The following MANSC4 variants were observed in gnomAD, a reference collection of about 807,000 sequenced individuals.
MANSC4 encodes the protein MANSC domain containing 4, also known as MANSC domain-containing protein 4.
Under a neutral mutation model 11.4 loss-of-function variants are expected in MANSC4, and 11 were observed. The ratio of observed to expected loss-of-function variants is 0.97; its 90% confidence interval spans 0.61 to 1.60. MANSC4 has a LOEUF of 1.60. Ranked by LOEUF, MANSC4 falls within the 40% of genes most tolerant of loss-of-function variation. The pLI is 0.00. For synonymous variants in MANSC4, 123 were observed against 147.1 expected (o/e 0.84, Z 1.19); for missense variants, 354 against 404.6 (o/e 0.88, Z 1.07).
intron 1 of MANSC4, among the ~76,000 whole-genome samples, chr12:27,778,259 A>G (rs2062127095): frequency 6.6e-6 from 1 of 151,966 alleles, no homozygotes; most frequent in Non-Finnish European, 1.5e-5. Context: ...TTTTTCTAAA[A>G]AATAAAAAGA....
At position 27,766,652 on chromosome 12, in the gene MANSC4, A is replaced by C; in HGVS notation, c.364+13T>G. 1 of 1,549,212 alleles carries C rather than the reference A, an allele frequency of 6.5e-7. No homozygotes were observed. The highest frequency in any genetic ancestry group is 8.7e-7 in the Non-Finnish European group (1 of 1,146,290). ...CAGCATTCTTTTAAAGTCTTGAAAT[A>C]TGTAATCATTACCGTCTGTTATGTT... is the stretch of plus-strand genomic sequence containing the variant. On this transcript the variant is annotated intron_variant, in intron 3 of 3. Transcript: ENST00000381273.
intron 2 of MANSC4, among the ~76,000 whole-genome samples, chr12:27,767,696 T>TCAA (rs370551889): frequency 0.015 from 2,284 of 151,860 alleles, 62 homozygotes; most frequent in African/African-American, 0.048. Context: ...AAACTCCGTC[T>TCAA]CAACAACAAC....
At position 27,767,184 on chromosome 12, in the gene MANSC4, T is replaced by C. The variant is rs533064447; in HGVS notation, c.230-385A>G. Among the ~76,000 whole-genome samples the C allele has an allele frequency of 9.2e-5, 14 of 152,180 alleles. No individual in the cohort carries two copies. In the South Asian group the frequency reaches 2.7e-3, roughly 29 times the overall value. On this transcript the variant is annotated intron_variant, in intron 2 of 3. Coordinates refer to ENST00000381273, the MANE Select transcript of MANSC4 (RefSeq NM_001146221.5). ...TTTGTAGAGGCAGGGTTTCACCATGTTGCCCAGGCTGGTCTCAAACTCCAG... is the reference window on the plus strand; with the variant it reads ...TTTGTAGAGGCAGGGTTTCACCATGCTGCCCAGGCTGGTCTCAAACTCCAG...
chr12:27,765,500 G>A (rs558205693), intron 3 of MANSC4, among the ~76,000 whole-genome samples: 4 of 152,210 alleles, frequency 2.6e-5, no homozygotes, highest in Admixed American at 6.5e-5. Context: ...GGCCAGATCT[G>A]TTTGCTTACT....
At position 27,762,828 on chromosome 12, in the gene MANSC4, T is replaced by C; in HGVS notation, c.933A>G (p.Gly311=). 1 of 1,551,916 alleles carries C rather than the reference T, an allele frequency of 6.4e-7. No homozygotes were observed. The change falls in exon 4 of 4, where the codon GGA becomes GGG. Residue 311 remains glycine (G), a synonymous_variant. Transcript: ENST00000381273. ...CTGGTTTATACTGGCCCTGCTGCTT[T>C]CCACAGCATCCAGATGCCAGGATGA... ...CIVILASGCC[G]KQQGQYKPGQ...
At chr12:27,772,198 G>C (rs2062103741) in intron 1 of MANSC4, among the ~76,000 whole-genome samples, 1 of 152,136 alleles carries the variant, frequency 6.6e-6, no homozygotes, top group Non-Finnish European at 1.5e-5. Context: ...GAAAGTTGTG[G>C]GTTTCATATC....
chr12:27,778,582 C>A (rs1372618403), intron 1 of MANSC4, among the ~76,000 whole-genome samples: 4 of 150,834 alleles, frequency 2.7e-5, no homozygotes, highest in Non-Finnish European at 1.5e-5. Flanking sequence ...AAAAACCAAA[C>A]ACATATTCTC....
Position 27,764,853 on chromosome 12 carries a change from A to T in MANSC4, c.365-1457T>A, listed in dbSNP as rs1455101566. On this transcript the variant is annotated intron_variant, in intron 3 of 3. Transcript: ENST00000381273. ...ACACTGAAATCTACACTGTAAGGTG[A>T]TTTTTTTTTAAGAGACAGCTGTTAC... 1.1e-4 allele frequency among the ~76,000 whole-genome samples: 17 copies of T among 151,528 alleles called. No homozygotes were observed. In the East Asian group the frequency reaches 2.9e-3, roughly 26 times the overall value.
chr12:27,766,170 C>A (rs375307812), intron 3 of MANSC4, among the ~76,000 whole-genome samples: 5 of 151,740 alleles, frequency 3.3e-5, no homozygotes, highest in South Asian at 2.1e-4. Context: ...CAGGTTCAAG[C>A]GATTCTCCTG....
rs1000890553 is a variant in MANSC4, at chr12:27,779,052, A to G, written c.-307+1158T>C. Among the ~76,000 whole-genome samples the G allele has an allele frequency of 3.9e-5, 6 of 152,144 alleles. No individual in the cohort carries two copies. In the East Asian group the frequency reaches 1.2e-3, roughly 29 times the overall value. ...CCCGGCTAATTTTTGTATTTTTAGT[A>G]GAGACGGGGTTTCACCATGTTGGCC... On this transcript the variant is annotated intron_variant, in intron 1 of 3. Transcript: ENST00000381273.
rs2062100177 is a variant in MANSC4, at chr12:27,771,334, A to G, written c.-58T>C. The G allele has an allele frequency of 6.9e-7, 1 of 1,452,686 alleles. No individual in the cohort carries two copies. Among genetic ancestry groups the G allele is most frequent in the Non-Finnish European group, 9.3e-7 (1 of 1,070,044 alleles). The allele number at this position is 1,452,686 out of a possible 1,614,324, so 90.0% of individuals were successfully genotyped here. A position where few individuals can be genotyped will look rare whatever the true frequency, so the allele number is the denominator to read the frequency against. ...TCTGATTTCCAGACAGAAGCTGAAC[A>G]CTGGAGTTTAGGACAGTCTCTGGAA... On this transcript the variant is annotated 5_prime_UTR_variant, in exon 2 of 4. Transcript: ENST00000381273.
At chr12:27,767,472 G>C (rs1324011407) in intron 2 of MANSC4, among the ~76,000 whole-genome samples, 1 of 152,082 alleles carries the variant, frequency 6.6e-6, no homozygotes, top group African/African-American at 2.4e-5. Context: ...GGGAGGCCGA[G>C]GGGGGCAGAT....
chr12:27,770,950 T>C, intron 2 of MANSC4, 98 bp downstream of exon 2: 1 of 867,078 alleles, frequency 1.2e-6, no homozygotes, highest in Non-Finnish European at 1.7e-6. Context: ...TCTAGTTCTT[T>C]ACAACTGTTT....
chr12:27,775,724 A>G (rs28703971), intron 1 of MANSC4, among the ~76,000 whole-genome samples: 6,136 of 151,844 alleles, frequency 0.04, 393 homozygotes, highest in African/African-American at 0.14. Context: ...ATTTTACAGT[A>G]TATAGGTTTA....
intron 1 of MANSC4, among the ~76,000 whole-genome samples, chr12:27,772,675 GA>G (rs2062105489): frequency 6.6e-6 from 1 of 152,074 alleles, no homozygotes; most frequent in African/African-American, 2.4e-5. Flanking sequence ...ACTTCTTACA[GA>G]AAGCAAATTT....
intron 1 of MANSC4, among the ~76,000 whole-genome samples, chr12:27,774,255 G>A (rs569571401): frequency 6.6e-6 from 1 of 152,182 alleles, no homozygotes; most frequent in East Asian, 1.9e-4. Context: ...TAGTAGTGAA[G>A]TAATAGCATA....
At position 27,762,971 on chromosome 12, in the gene MANSC4, CT is replaced by C; in HGVS notation, c.789del (p.Gly264AspfsTer17). On this transcript the variant is annotated frameshift_variant, in exon 4 of 4. Transcript: ENST00000381273. LOFTEE classifies it low-confidence loss of function (END_TRUNC). Reference sequence around the variant, plus strand: ...GATGTGTGGTTTCTGCTATTGTATCCTTTGGTTTTGTTTAGTAATTGTTTGC... The same window carrying C: ...GATGTGTGGTTTCTGCTATTGTATCCTTGGTTTTGTTTAGTAATTGTTTGC... The part of the protein sequence containing the change: ...NSSKQLLNKT[K>X]GYNSRNHTSA... 2 of 1,551,784 alleles carry C rather than the reference CT, an allele frequency of 1.3e-6. No individual in the cohort carries two copies. Among genetic ancestry groups the C allele is most frequent in the Non-Finnish European group, 1.7e-6 (2 of 1,147,030 alleles).
At chr12:27,769,348 A>G (rs1472493449) in intron 2 of MANSC4, among the ~76,000 whole-genome samples, 1 of 152,224 alleles carries the variant, frequency 6.6e-6, no homozygotes, top group Non-Finnish European at 1.5e-5. Flanking sequence ...GGATTGTGGC[A>G]TTTTAAAGTT....
At chr12:27,768,310 C>T (rs1591809288) in intron 2 of MANSC4, among the ~76,000 whole-genome samples, 2 of 146,738 alleles carry the variant, frequency 1.4e-5, no homozygotes, top group South Asian at 4.3e-4. Context: ...GGCTGAGGCA[C>T]GAGAATCACT....
Sources: allele counts gnomAD v4.1 joint callset (sites outside exome capture counted in the v4.1 genomes callset), GRCh38; gene constraint gnomAD v4.1.1; transcripts MANE v1.5; gene names NCBI Gene and HGNC (gene_info 2026-07-23, HGNC 2026-07-21).